The following TMTC2 variants were observed in gnomAD, a reference collection of about 807,000 sequenced individuals.
TMTC2 encodes the protein protein O-mannosyl-transferase TMTC2.
A neutral mutation model predicts 82.4 loss-of-function variants in TMTC2; 43 were observed. The ratio of observed to expected loss-of-function variants is 0.52; its 90% CI spans 0.41 to 0.67. The LOEUF (loss-of-function observed/expected upper bound fraction) is 0.67. TMTC2 is among the 30% of genes least tolerant of loss of function. TMTC2 has a pLI of 0.00. For missense variants in TMTC2, 919 were observed against 1,012.4 expected, an observed-to-expected ratio of 0.91 and a Z score of 1.25; for synonymous variants, 408 against 381.9, an observed-to-expected ratio of 1.07 and a Z score of -0.80.
chr12:82,917,902 G>T (rs1045577645), intron 3 of TMTC2, among the ~76,000 whole-genome samples: 4 of 145,464 alleles, frequency 2.7e-5, no homozygotes, highest in Non-Finnish European at 6.0e-5. Flanking sequence ...CTCCCGGCCA[G>T]CTTTTATTTT....
chr12:83,115,364 T>G (rs11115597), intron 11 of TMTC2, among the ~76,000 whole-genome samples: 9,216 of 152,274 alleles, frequency 0.061, 433 homozygotes, highest in African/African-American at 0.11. Flanking sequence ...CTATCTAGAT[T>G]AGTAAGGGCA....
intron 1 of TMTC2, among the ~76,000 whole-genome samples, chr12:82,701,404 T>C (rs1873072160): frequency 6.6e-6 from 1 of 151,992 alleles, no homozygotes; most frequent in African/African-American, 2.4e-5. Context: ...CTTCATACTC[T>C]CACCAGGACC....
intron 3 of TMTC2, among the ~76,000 whole-genome samples, chr12:82,914,651 T>C (rs1874890845): frequency 2.0e-5 from 3 of 152,044 alleles, no homozygotes; most frequent in African/African-American, 7.2e-5. Context: ...TAGGGCAGAT[T>C]TACTATAAAA....
intron 1 of TMTC2, among the ~76,000 whole-genome samples, chr12:82,767,094 C>T (rs1877008312): frequency 6.6e-6 from 1 of 152,116 alleles, no homozygotes; most frequent in South Asian, 2.1e-4. Context: ...TGTGAGGGCT[C>T]CTTCATACCT....
chr12:82,731,849 AT>A lies in TMTC2; in HGVS notation c.83+44181del, dbSNP rs1279851995. Among the ~76,000 whole-genome samples, 7 of 152,332 alleles carry A rather than the reference AT, an allele frequency of 4.6e-5. No homozygotes were observed. In the East Asian group the frequency reaches 1.4e-3, roughly 29 times the overall value. On this transcript the variant is annotated intron_variant, in intron 1 of 11. Coordinates refer to ENST00000321196, the MANE Select transcript of TMTC2 (RefSeq NM_152588.3). ...AAATGGTTCTGACTTCAGTTCTTGG[AT>A]CATGGTAATATATGCAAAAATAATA...
intron 9 of TMTC2, among the ~76,000 whole-genome samples, chr12:83,044,535 T>A (rs978149525): frequency 1.3e-5 from 2 of 152,104 alleles, no homozygotes; most frequent in African/African-American, 4.8e-5. Flanking sequence ...GAGAACACCC[T>A]CTGGATAGAA....
chr12:83,061,582 T>TA (rs1251294152), intron 10 of TMTC2, among the ~76,000 whole-genome samples, 186 bp from the exon 11 acceptor site: 1 of 151,762 alleles, frequency 6.6e-6, no homozygotes, highest in Non-Finnish European at 1.5e-5. Flanking sequence ...ATACTATTTA[T>TA]AATGCCTTAA....
intron 1 of TMTC2, among the ~76,000 whole-genome samples, chr12:82,825,118 G>A (rs1412208335): frequency 2.0e-5 from 3 of 151,382 alleles, no homozygotes; most frequent in East Asian, 3.9e-4. Context: ...AAAGACATAC[G>A]AGCAGATCAG....
Position 82,862,644 on chromosome 12 carries a change from A to G in TMTC2, c.654+5064A>G, listed in dbSNP as rs967096537. 2.0e-5 allele frequency among the ~76,000 whole-genome samples: 3 copies of G among 152,218 alleles called. No homozygotes were observed. In the East Asian group the frequency reaches 5.8e-4, roughly 29 times the overall value. On this transcript the variant is annotated intron_variant, in intron 2 of 11. Coordinates refer to ENST00000321196, the MANE Select transcript of TMTC2 (RefSeq NM_152588.3). ...CTGTTTCAATAAATAATATTGTTAT[A>G]TGGGAAAATTGGAGACATTGAGATT...
chr12:82,803,098 A>G (rs1444784741), intron 1 of TMTC2, among the ~76,000 whole-genome samples: 1 of 152,184 alleles, frequency 6.6e-6, no homozygotes, highest in Non-Finnish European at 1.5e-5. Flanking sequence ...AGGAACACTG[A>G]GTGGCAAATG....
chr12:82,901,894 A>G (rs1874039517), intron 3 of TMTC2, among the ~76,000 whole-genome samples: 1 of 152,148 alleles, frequency 6.6e-6, no homozygotes, highest in East Asian at 1.9e-4. Flanking sequence ...AACTATTATT[A>G]TACTGCAGCT....
intron 1 of TMTC2, among the ~76,000 whole-genome samples, chr12:82,850,920 T>C (rs990501632): frequency 2.0e-5 from 3 of 150,452 alleles, no homozygotes; most frequent in African/African-American, 7.3e-5. Flanking sequence ...AAAAATTAGC[T>C]GGGCGTGGTG....
At chr12:83,045,749 A>ACACACACACACACACACACACACACACC (rs1882092500) in intron 9 of TMTC2, among the ~76,000 whole-genome samples, 2 of 138,208 alleles carry the variant, frequency 1.4e-5, no homozygotes, top group African/African-American at 5.1e-5. Context: ...ACACACACAC[A>ACACACACACACACACACACACACACACC]CACCAGGAGT....
At chr12:82,729,936 C>A (rs995526924) in intron 1 of TMTC2, among the ~76,000 whole-genome samples, 2 of 152,032 alleles carry the variant, frequency 1.3e-5, no homozygotes, top group Non-Finnish European at 2.9e-5. Flanking sequence ...ACTCCAGATG[C>A]GCTGCTTAAA....
At chr12:82,702,147 G>C (rs1257965880) in intron 1 of TMTC2, among the ~76,000 whole-genome samples, 1 of 152,128 alleles carries the variant, frequency 6.6e-6, no homozygotes, top group Non-Finnish European at 1.5e-5. Context: ...ATAACGTTTG[G>C]AGTAAAACAT....
At chr12:82,745,988 T>C (rs2136959470) in intron 1 of TMTC2, among the ~76,000 whole-genome samples, 1 of 152,342 alleles carries the variant, frequency 6.6e-6, no homozygotes, top group Middle Eastern at 3.4e-3. Flanking sequence ...TCAGCACTCT[T>C]GAAGGTGCTG....
chr12:82,808,067 A>G (rs569958266), intron 1 of TMTC2, among the ~76,000 whole-genome samples: 1 of 152,052 alleles, frequency 6.6e-6, no homozygotes, highest in East Asian at 1.9e-4. Context: ...AAAAAACTGA[A>G]TCTTAAATCT....
chr12:82,941,704 G>T (rs1284312389), intron 4 of TMTC2, among the ~76,000 whole-genome samples: 1 of 152,088 alleles, frequency 6.6e-6, no homozygotes, highest in Non-Finnish European at 1.5e-5. Context: ...CCCTCCCTGA[G>T]ACCATTGTTA....
intron 8 of TMTC2, among the ~76,000 whole-genome samples, chr12:83,005,933 C>T (rs1880180694): frequency 6.6e-6 from 1 of 152,186 alleles, no homozygotes; most frequent in African/African-American, 2.4e-5. Context: ...ATGGAGAACC[C>T]TTGGATATCG....
Sources: gnomAD v4.1 joint callset for allele counts (sites outside exome capture counted in the v4.1 genomes callset) on GRCh38, gnomAD v4.1.1 for gene constraint, MANE v1.5 for transcripts, NCBI Gene and HGNC (gene_info 2026-07-23, HGNC 2026-07-21) for gene names.